PARP16: variants seen among roughly 807,000 people sequenced by gnomAD.
PARP16 encodes the protein protein mono-ADP-ribosyltransferase PARP16.
A neutral mutation model predicts 35.0 loss-of-function variants in PARP16; 31 were observed. The observed-to-expected ratio is 0.88, with a 90% CI of 0.66 to 1.19. The LOEUF is 1.19. PARP16 is among the 50% of genes most tolerant of loss of function. PARP16 has a pLI of 0.00. For synonymous variants in PARP16, 162 were observed against 169.5 expected, an observed-to-expected ratio of 0.96 and a Z score of 0.34; for missense variants, 424 against 411.2, an observed-to-expected ratio of 1.03 and a Z score of -0.27.
intron 2 of PARP16, among the ~76,000 whole-genome samples, chr15:65,270,716 T>G (rs2090066831): frequency 6.6e-6 from 1 of 152,150 alleles, no homozygotes; most frequent in Non-Finnish European, 1.5e-5. Context: ...GTCACACAGC[T>G]GAGATGAGAC....
Position 65,259,155 on chromosome 15 carries a change from A to G in PARP16, c.*252T>C. On this transcript the variant is annotated 3_prime_UTR_variant, in exon 6 of 6. Transcript: ENST00000649807. ...CTGGCTGAAAAGCCAACTCCCTAGG[A>G]CAGTTTAAGAAGGAGCAGATGGAAG... is the stretch of plus-strand genomic sequence containing the variant. 2.2e-6 allele frequency: 1 copy of G among 449,370 alleles called. No homozygotes were observed. Among genetic ancestry groups the G allele is most frequent in the Non-Finnish European group, 4.0e-6 (1 of 248,648 alleles). 27.8% of individuals were successfully genotyped at this position (449,370 alleles called of 1,614,324 possible). A position where few individuals can be genotyped will look rare whatever the true frequency, so the allele number is the denominator to read the frequency against.
chr15:65,241,411 G>A (rs922186442), intron 3 of PARP16, among the ~76,000 whole-genome samples: 3 of 152,196 alleles, frequency 2.0e-5, no homozygotes, highest in Non-Finnish European at 4.4e-5. Flanking sequence ...AAAGTGCTGG[G>A]ATTACAAGCA....
intron 3 of PARP16, among the ~76,000 whole-genome samples, chr15:65,247,334 C>G (rs1009067208): frequency 2.6e-5 from 4 of 152,130 alleles, no homozygotes; most frequent in African/African-American, 9.7e-5. Context: ...ATTTAATCCT[C>G]ACAACAATCC....
chr15:65,279,895 TC>T (rs780080340), intron 1 of PARP16, among the ~76,000 whole-genome samples: 36 of 151,848 alleles, frequency 2.4e-4, no homozygotes, highest in Admixed American at 4.6e-4. Context: ...TTTTTTTTTT[TC>T]CTTAGTTTCC....
chr15:65,241,959 A>C (rs1421582850), intron 3 of PARP16, among the ~76,000 whole-genome samples: 1 of 152,186 alleles, frequency 6.6e-6, no homozygotes, highest in Non-Finnish European at 1.5e-5. Flanking sequence ...CTAAGGTTAT[A>C]AAGATTTTCC....
rs554818399 is a variant in PARP16, at chr15:65,273,698, G to C, written c.175-2626C>G. ...GTTTGAACCAGCCTGACCAGCATGA[G>C]AAACCCCATCTCTACTAAAGATACA... On this transcript the variant is annotated intron_variant, in intron 1 of 5. Transcript: ENST00000649807. Among the ~76,000 whole-genome samples, 237 of 152,072 alleles carry C rather than the reference G, an allele frequency of 1.6e-3. 2 individuals are homozygous for C. Among genetic ancestry groups the C allele is most frequent in the Non-Finnish European group, 1.6e-3 (108 of 67,972 alleles).
At chr15:65,244,995 C>A (rs2089171289) in intron 3 of PARP16, among the ~76,000 whole-genome samples, 1 of 152,206 alleles carries the variant, frequency 6.6e-6, no homozygotes. Flanking sequence ...CAGGCCTACC[C>A]CTAAGAAGAT....
downstream of PARP16, among the ~76,000 whole-genome samples, chr15:65,254,157 G>A (rs1400424416): frequency 1.3e-5 from 2 of 152,154 alleles, no homozygotes; most frequent in South Asian, 2.1e-4. Flanking sequence ...GTCTAGCCCC[G>A]TGGCTGATAT....
intron 3 of PARP16, among the ~76,000 whole-genome samples, chr15:65,243,059 C>CAT (rs2089121572): frequency 6.6e-6 from 1 of 152,060 alleles, no homozygotes; most frequent in Admixed American, 6.6e-5. Flanking sequence ...TAAGATTTTC[C>CAT]ATATATATGT....
chr15:65,264,340 C>T (rs930152918), intron 3 of PARP16, among the ~76,000 whole-genome samples: 5 of 152,226 alleles, frequency 3.3e-5, no homozygotes, highest in East Asian at 1.9e-4. Context: ...CAGGTAGCTG[C>T]GACCAATGGA....
downstream of PARP16, among the ~76,000 whole-genome samples, chr15:65,257,524 G>A (rs1244226926): frequency 6.6e-6 from 1 of 151,626 alleles, no homozygotes; most frequent in Non-Finnish European, 1.5e-5. Context: ...CCAGCTACAG[G>A]GAGGCTAAGG....
At chr15:65,263,468 T>A in intron 3 of PARP16, 148 bp from the exon 4 acceptor site, 1 of 602,968 alleles carries the variant, frequency 1.7e-6, no homozygotes, top group South Asian at 2.0e-5. Flanking sequence ...GATCAAATAA[T>A]CCTGTGATAT....
chr15:65,284,433 C>A (rs538906640), intron 1 of PARP16, among the ~76,000 whole-genome samples: 1 of 149,786 alleles, frequency 6.7e-6, no homozygotes, highest in Non-Finnish European at 1.5e-5. Context: ...ACCTCTGCCT[C>A]CCAGGTCCCA....
chr15:65,251,752 GTTTT>G (rs928535269), intron 2 of PARP16, among the ~76,000 whole-genome samples: 1 of 149,026 alleles, frequency 6.7e-6, no homozygotes, highest in African/African-American at 2.5e-5. Flanking sequence ...ACATGCCTAG[GTTTT>G]TTTTTTGTTC....
At chr15:65,239,112 C>CA (rs2088966538) in intron 3 of PARP16, among the ~76,000 whole-genome samples, 1 of 151,694 alleles carries the variant, frequency 6.6e-6, no homozygotes, top group Non-Finnish European at 1.5e-5. Flanking sequence ...GCCTGGGTGA[C>CA]AGAGTGGGAT....
downstream of PARP16, among the ~76,000 whole-genome samples, chr15:65,253,264 A>G (rs186990261): frequency 8.3e-4 from 126 of 152,264 alleles, 1 homozygote; most frequent in African/African-American, 2.9e-3. Flanking sequence ...AAATGTCCAC[A>G]ACCTTCTTTG....
At chr15:65,256,259 C>T (rs1445430010), downstream of PARP16, among the ~76,000 whole-genome samples, 1 of 152,118 alleles carries the variant, frequency 6.6e-6, no homozygotes, top group Non-Finnish European at 1.5e-5. Flanking sequence ...ATTTACTCTG[C>T]CCTGGGCACT....
At chr15:65,247,953 C>T (rs1388427623) in intron 3 of PARP16, among the ~76,000 whole-genome samples, 1 of 151,884 alleles carries the variant, frequency 6.6e-6, no homozygotes, top group Non-Finnish European at 1.5e-5. Context: ...TACAGGCGTC[C>T]GCCACCACGC....
chr15:65,266,607 G>T lies in PARP16; in HGVS notation c.474C>A (p.Asn158Lys). Residue 158 changes from asparagine (N) to lysine (K), a missense_variant, in exon 3 of 6, where the codon AAC becomes AAA. Transcript: ENST00000649807. ...IYAFHGSRLENFHSIIHNGLH... is the reference protein window; with the variant it reads ...IYAFHGSRLEKFHSIIHNGLH... ...GGCCATTGTGGATAATGGAATGGAA[G>T]TTTTCTAGGCGGCTACCATGAAATG... The T allele has an allele frequency of 1.9e-6, 3 of 1,614,128 alleles. No homozygotes were observed. Among genetic ancestry groups the T allele is most frequent in the East Asian group, 4.5e-5 (2 of 44,892 alleles).
Sources: gnomAD v4.1 joint callset for allele counts (sites outside exome capture counted in the v4.1 genomes callset) on GRCh38, gnomAD v4.1.1 for gene constraint, MANE v1.5 for transcripts, NCBI Gene and HGNC (gene_info 2026-07-23, HGNC 2026-07-21) for gene names.